ATP6V1A: variants seen among roughly 807,000 people sequenced by gnomAD.
ATP6V1A encodes ATPase H+ transporting V1 subunit A.
Under a neutral mutation model 70.1 loss-of-function variants are expected in ATP6V1A, and 18 were observed. That is an observed-to-expected ratio of 0.26 (90% CI 0.18 to 0.38). The LOEUF (loss-of-function observed/expected upper bound fraction) is 0.38. Ranked by LOEUF, ATP6V1A falls within the 10% of genes least tolerant of loss-of-function variation. ATP6V1A has a pLI of 1.00. For synonymous variants in ATP6V1A, 232 were observed against 253.8 expected (o/e 0.91, Z 0.82); for missense variants, 424 against 772.4 (o/e 0.55, Z 5.35).
intron 1 of ATP6V1A, among the ~76,000 whole-genome samples, chr3:113,753,914 A>G (rs1012171492): frequency 1.3e-5 from 2 of 151,868 alleles, no homozygotes; most frequent in Admixed American, 6.6e-5. Context: ...CCAGGCCATC[A>G]TGTATCTTAA....
rs149927621 is a variant in ATP6V1A, at chr3:113,764,305, C to T, written c.-13-14436C>T. Among the ~76,000 whole-genome samples the T allele has an allele frequency of 9.9e-3, 1,505 of 152,016 alleles. 10 individuals carry two copies. The highest frequency in any genetic ancestry group is 0.018 in the Non-Finnish European group (1,216 of 67,972). ...CCAAATAGGAAGCAGTCTTGGTACG[C>T]AGTAGAGAGAGTTATTGTTGTTAGG... On this transcript the variant is annotated intron_variant, in intron 1 of 14. Coordinates refer to ENST00000273398, the MANE Select transcript of ATP6V1A (RefSeq NM_001690.4).
intron 1 of ATP6V1A, among the ~76,000 whole-genome samples, chr3:113,757,302 T>C (rs1269093634): frequency 6.6e-6 from 1 of 152,144 alleles, no homozygotes; most frequent in Admixed American, 6.6e-5. Flanking sequence ...AAAGTAGCTG[T>C]AAATAGAGAT....
At chr3:113,808,696 A>G (rs1709306737) in intron 14 of ATP6V1A, among the ~76,000 whole-genome samples, 2 of 152,294 alleles carry the variant, frequency 1.3e-5, no homozygotes, top group South Asian at 2.1e-4. Context: ...GATTAAATTA[A>G]TTCCTAATTA....
chr3:113,809,286 T>C, intron 14 of ATP6V1A, 49 bp from the exon 15 acceptor site: 1 of 1,519,878 alleles, frequency 6.6e-7, no homozygotes, highest in South Asian at 1.2e-5. Context: ...ACATACGTAA[T>C]GAAAATTATT....
intron 1 of ATP6V1A, among the ~76,000 whole-genome samples, chr3:113,757,320 C>A (rs1708656194): frequency 6.6e-6 from 1 of 152,142 alleles, no homozygotes; most frequent in African/African-American, 2.4e-5. Context: ...GATAAACAGG[C>A]TGTCAGAAAC....
intron 1 of ATP6V1A, among the ~76,000 whole-genome samples, chr3:113,767,640 T>A (rs1257948868): frequency 6.6e-6 from 1 of 152,036 alleles, no homozygotes; most frequent in Non-Finnish European, 1.5e-5. Context: ...TTGTAAAAAT[T>A]TGAAGGGAAA....
intron 2 of ATP6V1A, chr3:113,780,787 A>G (rs1341892332): frequency 2.3e-6 from 3 of 1,322,790 alleles, no homozygotes; most frequent in Admixed American, 4.5e-5. Flanking sequence ...CTACCAGGTA[A>G]GTTTGCCATG....
intron 1 of ATP6V1A, among the ~76,000 whole-genome samples, chr3:113,774,247 A>G (rs1404426376): frequency 6.6e-6 from 1 of 152,216 alleles, no homozygotes; most frequent in Non-Finnish European, 1.5e-5. Flanking sequence ...TTGGTTCAAG[A>G]TAAGAACAAC....
At chr3:113,754,348 C>A (rs1708623639) in intron 1 of ATP6V1A, among the ~76,000 whole-genome samples, 1 of 151,992 alleles carries the variant, frequency 6.6e-6, no homozygotes, top group South Asian at 2.1e-4. Context: ...CATGGCAAGA[C>A]CCCCCTCTAC....
chr3:113,803,574 C>T lies in ATP6V1A; in HGVS notation c.1495-9C>T, dbSNP rs755526311. The T allele has an allele frequency of 1.3e-5, 21 of 1,580,642 alleles. No homozygotes were observed. In the Admixed American group the frequency reaches 1.5e-4, roughly 11 times the overall value. ...AGTAAATGTCTAAAAATATCTTTTT[C>T]TCTTCTAGGCTTCTTTGGCAGAAAC... is the stretch of plus-strand genomic sequence containing the variant. On this transcript the variant is annotated splice_polypyrimidine_tract_variant and intron_variant, in intron 12 of 14. Transcript: ENST00000273398.
At chr3:113,768,775 T>C (rs1326993627) in intron 1 of ATP6V1A, among the ~76,000 whole-genome samples, 3 of 152,060 alleles carry the variant, frequency 2.0e-5, no homozygotes, top group Non-Finnish European at 4.4e-5. Flanking sequence ...TTTGTATTTT[T>C]AGTAGAGATG....
At chr3:113,805,630 A>G (rs1329373666) in intron 14 of ATP6V1A, 105 bp downstream of exon 14, 6 of 1,157,372 alleles carry the variant, frequency 5.2e-6, no homozygotes, top group Non-Finnish European at 6.1e-6. Flanking sequence ...GTGCAGTGGC[A>G]TGATCTTGTC....
intron 2 of ATP6V1A, among the ~76,000 whole-genome samples, chr3:113,779,687 T>G (rs1708957732): frequency 6.6e-6 from 1 of 152,120 alleles, no homozygotes; most frequent in Non-Finnish European, 1.5e-5. Flanking sequence ...TCTTTTGCCA[T>G]GCAGAGAAAT....
intron 12 of ATP6V1A, among the ~76,000 whole-genome samples, chr3:113,801,649 G>A (rs529671156): frequency 6.6e-6 from 1 of 152,244 alleles, no homozygotes; most frequent in South Asian, 2.1e-4. Context: ...TCTACTGTGA[G>A]CAAAAGATGG....
At chr3:113,757,148 C>T (rs1267223752) in intron 1 of ATP6V1A, among the ~76,000 whole-genome samples, 5 of 152,176 alleles carry the variant, frequency 3.3e-5, no homozygotes, top group Non-Finnish European at 7.3e-5. Context: ...AATACAGAAT[C>T]TTCTCAGGTC....
intron 1 of ATP6V1A, among the ~76,000 whole-genome samples, chr3:113,762,344 G>C (rs1002159725): frequency 2.0e-5 from 3 of 151,740 alleles, no homozygotes; most frequent in Non-Finnish European, 4.4e-5. Flanking sequence ...CAAAGCGGGC[G>C]GATCACCTGA....
chr3:113,754,590 T>C (rs932157674), intron 1 of ATP6V1A, among the ~76,000 whole-genome samples: 9 of 151,972 alleles, frequency 5.9e-5, no homozygotes, highest in African/African-American at 2.2e-4. Context: ...TAGGGACTAC[T>C]AGATAGGATT....
intron 1 of ATP6V1A, among the ~76,000 whole-genome samples, chr3:113,764,831 A>G (rs988648010): frequency 6.6e-6 from 1 of 151,964 alleles, no homozygotes; most frequent in Non-Finnish European, 1.5e-5. Context: ...CAGCACTGTA[A>G]TCATGCCTGT....
At chr3:113,803,530 C>T (rs1709239153) in intron 12 of ATP6V1A, 53 bp from the exon 13 acceptor site, 2 of 1,315,374 alleles carry the variant, frequency 1.5e-6, no homozygotes, top group Non-Finnish European at 2.2e-6. Flanking sequence ...TAATTGCCAC[C>T]ATCAATCTTA....
Sources: allele counts gnomAD v4.1 joint callset (sites outside exome capture counted in the v4.1 genomes callset), GRCh38; gene constraint gnomAD v4.1.1; transcripts MANE v1.5; gene names NCBI Gene and HGNC (gene_info 2026-07-23, HGNC 2026-07-21).